SAMD12: variants seen among roughly 807,000 people sequenced by gnomAD.
SAMD12 encodes sterile alpha motif domain-containing protein 12.
Under a neutral mutation model 15.0 loss-of-function variants are expected in SAMD12, and 9 were observed. That is an observed-to-expected ratio of 0.60 (90% CI 0.36 to 1.05). SAMD12 has a LOEUF of 1.05. SAMD12 is among the 50% of genes least tolerant of loss of function. The pLI, the probability that SAMD12 is intolerant of heterozygous loss-of-function variation, is 0.01. For synonymous variants in SAMD12, 86 were observed against 90.1 expected (o/e 0.96, Z 0.25); for missense variants, 230 against 234.2 (o/e 0.98, Z 0.12).
At chr8:118,562,921 G>A (rs946127389) in intron 2 of SAMD12, among the ~76,000 whole-genome samples, 1 of 152,152 alleles carries the variant, frequency 6.6e-6, no homozygotes, top group Admixed American at 6.5e-5. Context: ...TCTTCATGGA[G>A]ATTGCCAAGG....
At chr8:118,529,497 T>G (rs7832210) in intron 2 of SAMD12, among the ~76,000 whole-genome samples, 4 of 152,282 alleles carry the variant, frequency 2.6e-5, no homozygotes, top group Non-Finnish European at 4.4e-5. Flanking sequence ...ATCACCCAAA[T>G]AGTGTACATT....
intron 1 of SAMD12, among the ~76,000 whole-genome samples, chr8:118,608,067 T>C (rs1828023533): frequency 2.0e-5 from 3 of 152,172 alleles, no homozygotes; most frequent in Non-Finnish European, 4.4e-5. Flanking sequence ...CCTTGATCTC[T>C]CTCTTGCTAT....
At chr8:118,534,612 TC>T (rs1825787399) in intron 2 of SAMD12, among the ~76,000 whole-genome samples, 1 of 152,332 alleles carries the variant, frequency 6.6e-6, no homozygotes, top group Admixed American at 6.5e-5. Context: ...TTTCACATAG[TC>T]CCATATTTCT....
At chr8:118,141,808 GATTTGGAC>G in the SAMD12 span, among the ~76,000 whole-genome samples, 1 of 152,230 alleles carries the variant, frequency 6.6e-6, no homozygotes, top group Admixed American at 6.5e-5. Flanking sequence ...AGCAAGACCA[GATTTGGAC>G]ATTTAAATCT....
At chr8:118,395,756 A>G (rs1373616538) in intron 3 of SAMD12, among the ~76,000 whole-genome samples, 1 of 152,134 alleles carries the variant, frequency 6.6e-6, no homozygotes, top group Non-Finnish European at 1.5e-5. Context: ...CTGGAGATTG[A>G]GACCATCCCG....
chr8:118,399,201 CT>C (rs10535786), intron 3 of SAMD12, among the ~76,000 whole-genome samples: 33,642 of 147,258 alleles, frequency 0.23, 4,184 homozygotes, highest in African/African-American at 0.31. Flanking sequence ...TTTTTTTTTT[CT>C]TTTTTTTTTT....
chr8:118,607,664 T>C (rs1388203832), intron 1 of SAMD12, among the ~76,000 whole-genome samples: 1 of 152,200 alleles, frequency 6.6e-6, no homozygotes, highest in Non-Finnish European at 1.5e-5. Context: ...GGGATGATAA[T>C]GAAACCTACC....
At chr8:118,237,125 T>C (rs898050321) in intron 4 of SAMD12, among the ~76,000 whole-genome samples, 2 of 152,190 alleles carry the variant, frequency 1.3e-5, no homozygotes, top group African/African-American at 4.8e-5. Flanking sequence ...TTCCATTCAA[T>C]CCTTGCAACA....
intron 2 of SAMD12, among the ~76,000 whole-genome samples, chr8:118,504,239 C>G (rs1360355389): frequency 1.3e-5 from 2 of 152,358 alleles, no homozygotes; most frequent in South Asian, 2.1e-4. Flanking sequence ...TCCAACTCCT[C>G]TCTGTGACTT....
chr8:118,328,818 T>C (rs1296897005), intron 4 of SAMD12, among the ~76,000 whole-genome samples: 1 of 152,184 alleles, frequency 6.6e-6, no homozygotes, highest in Non-Finnish European at 1.5e-5. Context: ...TTCATAGTCA[T>C]ATCACTGGTC....
At chr8:118,204,397 G>T (rs1819803657) in intron 4 of SAMD12, among the ~76,000 whole-genome samples, 1 of 152,100 alleles carries the variant, frequency 6.6e-6, no homozygotes, top group African/African-American at 2.4e-5. Flanking sequence ...ATCGGGAGGG[G>T]GAGTTGCCCA....
At chr8:118,555,811 T>A (rs981676510) in intron 2 of SAMD12, among the ~76,000 whole-genome samples, 4 of 152,218 alleles carry the variant, frequency 2.6e-5, no homozygotes, top group African/African-American at 9.6e-5. Context: ...TTTATTATAC[T>A]GTAGACAACT....
intron 1 of SAMD12, among the ~76,000 whole-genome samples, chr8:118,606,115 C>T (rs1310088281): frequency 1.3e-5 from 2 of 152,098 alleles, no homozygotes; most frequent in Non-Finnish European, 2.9e-5. Flanking sequence ...ACTTAAAACT[C>T]TCATTACTTG....
At chr8:118,152,450 CCCTCCCTACCTT>C in the SAMD12 span, among the ~76,000 whole-genome samples, 265 of 106,468 alleles carry the variant, frequency 2.5e-3, 2 homozygotes, top group East Asian at 4.5e-3. Flanking sequence ...CTTCCTCCCT[CCCTCCCTACCTT>C]CCTTCCTTCC....
intron 4 of SAMD12, among the ~76,000 whole-genome samples, chr8:118,204,730 G>A (rs1395240048): frequency 6.6e-6 from 1 of 152,070 alleles, no homozygotes; most frequent in Non-Finnish European, 1.5e-5. Flanking sequence ...CTCCAGCCTA[G>A]GCGACAGAGC....
At chr8:118,574,327 A>AGCTCTTG (rs1350924990) in intron 2 of SAMD12, among the ~76,000 whole-genome samples, 1 of 152,222 alleles carries the variant, frequency 6.6e-6, no homozygotes, top group Non-Finnish European at 1.5e-5. Context: ...CACTAGACAA[A>AGCTCTTG]TACTATTAAC....
chr8:118,511,650 G>T (rs1825085138), intron 2 of SAMD12, among the ~76,000 whole-genome samples: 1 of 151,866 alleles, frequency 6.6e-6, no homozygotes, highest in Non-Finnish European at 1.5e-5. Flanking sequence ...AAGTAAAGGG[G>T]GTAAAAGACC....
intron 2 of SAMD12, among the ~76,000 whole-genome samples, chr8:118,492,907 T>C (rs1824490797): frequency 6.6e-6 from 1 of 152,192 alleles, no homozygotes; most frequent in Non-Finnish European, 1.5e-5. Flanking sequence ...GTGTCAAGCA[T>C]TATCATACCT....
chr8:118,208,142 A>G (rs1819918315), intron 4 of SAMD12, among the ~76,000 whole-genome samples: 1 of 152,194 alleles, frequency 6.6e-6, no homozygotes, highest in South Asian at 2.1e-4. Context: ...CTGTAATCCC[A>G]GCTACTCGGG....
Sources: gnomAD v4.1 joint callset for allele counts (sites outside exome capture counted in the v4.1 genomes callset) on GRCh38, gnomAD v4.1.1 for gene constraint, MANE v1.5 for transcripts, NCBI Gene and HGNC (gene_info 2026-07-23, HGNC 2026-07-21) for gene names.